PRKDC: variants seen among roughly 807,000 people sequenced by gnomAD.
PRKDC encodes the protein DNA-dependent protein kinase catalytic subunit.
In PRKDC, 82 loss-of-function variants were observed where a neutral mutation model predicts 486.9. The ratio of observed to expected loss-of-function variants is 0.17; its 90% CI spans 0.14 to 0.20. The LOEUF (loss-of-function observed/expected upper bound fraction) is 0.20, where lower values mean the gene tolerates loss of function less well. Ranked by LOEUF, PRKDC falls within the 10% of genes least tolerant of loss-of-function variation. PRKDC has a pLI of 1.00. For missense variants in PRKDC, 4,504 were observed against 5,038.2 expected (o/e 0.89, Z 3.21); for synonymous variants, 1,895 against 1,837.0 (o/e 1.03, Z -0.81).
chr8:47,820,629 C>G, intron 66 of PRKDC, 90 bp downstream of exon 66: 2 of 835,158 alleles, frequency 2.4e-6, no homozygotes, highest in Non-Finnish European at 3.2e-6. Context: ...TAAAAATATC[C>G]TAAAAATAGT....
intron 19 of PRKDC, among the ~76,000 whole-genome samples, chr8:47,928,859 T>G (rs935221949): frequency 6.6e-6 from 1 of 152,082 alleles, no homozygotes; most frequent in African/African-American, 2.4e-5. Context: ...GCCTGGCTAA[T>G]TTTTGTATTT....
Position 47,800,906 on chromosome 8 carries a change from T to C in PRKDC, c.10003A>G (p.Arg3335Gly). The C allele has an allele frequency of 6.2e-7, 1 of 1,613,958 alleles. No individual in the cohort carries two copies. Among genetic ancestry groups the C allele is most frequent in the Non-Finnish European group, 8.5e-7 (1 of 1,179,868 alleles). Reference sequence around the variant, plus strand: ...CTGCTGAGAGCATTCGCTATGATCCTGTAAGTTGTACCCAAGAGAATGTTC... The same window carrying C: ...CTGCTGAGAGCATTCGCTATGATCCCGTAAGTTGTACCCAAGAGAATGTTC... ...DQNILLGTTY[R>G]IIANALSSEP... is the part of the protein sequence containing the mutation. The change falls in exon 71 of 86, where the codon AGG becomes GGG. Residue 3335 changes from arginine (R) to glycine (G), a missense_variant. Physicochemically the swap from Arg to Gly is moderately radical, Grantham distance 125. Coordinates refer to ENST00000314191, the MANE Select transcript of PRKDC (RefSeq NM_006904.7).
At chr8:47,929,040 T>C (rs1237573537) in intron 19 of PRKDC, 52 bp downstream of exon 19, 3 of 1,269,100 alleles carry the variant, frequency 2.4e-6, no homozygotes, top group East Asian at 5.1e-5. Flanking sequence ...TCAATAGATA[T>C]TCATTTAAAA....
In PRKDC at chr8:47,854,084, C is replaced by T. The variant is rs781041217; in HGVS notation, c.6892G>A (p.Glu2298Lys). The change falls in exon 51 of 86, where the codon GAA becomes AAA. Residue 2298 changes from glutamate to lysine, a missense_variant and splice_region_variant. Glu to Lys is a moderately conservative substitution (Grantham distance 56, BLOSUM62 1). Transcript: ENST00000314191. ...AAAAATAATCAAGCAAACACGTACT[C>T]GCTACTCTGGATGCCACACTGTGGG... is the stretch of plus-strand genomic sequence containing the variant. ...YDPQCGIQSS[E>K]YFQALVNNMS... is the part of the protein sequence containing the mutation. 20 of 1,613,662 alleles carry T rather than the reference C, an allele frequency of 1.2e-5. No individual in the cohort carries two copies. Among genetic ancestry groups the T allele is most frequent in the Non-Finnish European group, 8.5e-6 (10 of 1,179,804 alleles).
intron 40 of PRKDC, among the ~76,000 whole-genome samples, chr8:47,873,003 G>A (rs973191693): frequency 2.0e-5 from 3 of 152,052 alleles, no homozygotes; most frequent in African/African-American, 4.8e-5. Context: ...ACCCTGATAG[G>A]CACATGGATC....
chr8:47,819,627 T>C (rs2087538214), intron 66 of PRKDC, 117 bp from the exon 67 acceptor site: 1 of 474,736 alleles, frequency 2.1e-6, no homozygotes, highest in Non-Finnish European at 3.6e-6. Flanking sequence ...AATTATTCTA[T>C]AAATATGCCT....
intron 55 of PRKDC, 66 bp downstream of exon 55, chr8:47,839,950 C>T: frequency 7.6e-7 from 1 of 1,315,684 alleles, no homozygotes; most frequent in Non-Finnish European, 1.0e-6. Flanking sequence ...GTACTCCAGC[C>T]TCGTCGACAG....
At chr8:47,925,282 G>A (rs141166243) in intron 21 of PRKDC, among the ~76,000 whole-genome samples, 1 of 152,342 alleles carries the variant, frequency 6.6e-6, no homozygotes, top group South Asian at 2.1e-4. Flanking sequence ...GGTTACAGTG[G>A]AAACAACCAG....
In PRKDC at chr8:47,796,510, G is replaced by C. The variant is rs371892174; in HGVS notation, c.10458+1727C>G. ...CATTTCCTCCCACCATTTTCTACTGGTCTATTGTGACCATTTATTTTGTAG... is the reference window on the plus strand; with the variant it reads ...CATTTCCTCCCACCATTTTCTACTGCTCTATTGTGACCATTTATTTTGTAG... On this transcript the variant is annotated intron_variant, in intron 73 of 85. Transcript: ENST00000314191. Among the ~76,000 whole-genome samples, 589 of 151,802 alleles carry C rather than the reference G, an allele frequency of 3.9e-3. 4 individuals are homozygous for C. Among genetic ancestry groups the C allele is most frequent in the South Asian group, 0.024 (116 of 4,802 alleles).
At chr8:47,953,475 C>T (rs373415344) in intron 7 of PRKDC, 145 bp downstream of exon 7, 20 of 761,130 alleles carry the variant, frequency 2.6e-5, no homozygotes, top group East Asian at 2.7e-5. Flanking sequence ...CAGGGGAACT[C>T]GGGAGGGCCC....
chr8:47,889,716 A>G (rs186079066), intron 32 of PRKDC, among the ~76,000 whole-genome samples: 1 of 152,374 alleles, frequency 6.6e-6, no homozygotes, highest in East Asian at 1.9e-4. Context: ...AGCATCCAAT[A>G]AAACAATTAG....
intron 7 of PRKDC, among the ~76,000 whole-genome samples, chr8:47,944,608 A>C (rs2154504199): frequency 6.6e-6 from 1 of 152,338 alleles, no homozygotes; most frequent in Non-Finnish European, 1.5e-5. Flanking sequence ...AAGATAAAAC[A>C]GGCACATAAC....
chr8:47,932,179 G>A (rs1589801475), intron 16 of PRKDC, among the ~76,000 whole-genome samples: 1 of 152,224 alleles, frequency 6.6e-6, no homozygotes, highest in East Asian at 1.9e-4. Context: ...CACCTCCCAG[G>A]TTCATGCCAT....
chr8:47,888,593 GC>G lies in PRKDC; in HGVS notation c.4337del (p.Ser1446ThrfsTer58), dbSNP rs2089387299. ...AGGCAGACACAACAGCAGCCAGCCT[GC>G]TCCTGTCCACTTGCGCGTCAGGGCC... ...LYGPDAQVDR[S>X]RLAAVVSACK... On this transcript the variant is annotated frameshift_variant, in exon 34 of 86. Transcript: ENST00000314191. LOFTEE classifies it high-confidence loss of function. 1 of 1,591,764 alleles carries G rather than the reference GC, an allele frequency of 6.3e-7. No individual in the cohort carries two copies. Among genetic ancestry groups the G allele is most frequent in the African/African-American group, 1.3e-5 (1 of 74,512 alleles).
At chr8:47,876,338 T>A (rs1023193288) in intron 40 of PRKDC, among the ~76,000 whole-genome samples, 1 of 151,860 alleles carries the variant, frequency 6.6e-6, no homozygotes, top group Non-Finnish European at 1.5e-5. Context: ...CTATGAGGAG[T>A]AGCCATGGCA....
At chr8:47,836,205 T>C in intron 58 of PRKDC, 133 bp downstream of exon 58, 1 of 923,088 alleles carries the variant, frequency 1.1e-6, no homozygotes, top group East Asian at 3.0e-5. Flanking sequence ...TTGAATGACA[T>C]CTTCCTTGGG....
At chr8:47,818,756 T>A (rs937427996) in intron 67 of PRKDC, among the ~76,000 whole-genome samples, 2 of 152,232 alleles carry the variant, frequency 1.3e-5, no homozygotes, top group Admixed American at 6.5e-5. Context: ...TATCAGTTTT[T>A]ATCAGTATTC....
rs769824325 is a variant in PRKDC, at chr8:47,807,172, T to G, written c.9712A>C (p.Met3238Leu). The G allele has an allele frequency of 2.5e-6, 4 of 1,613,986 alleles. No homozygotes were observed. The highest frequency in any genetic ancestry group is 2.2e-5 in the East Asian group (1 of 44,890). ...GCACTGTCTATCATCTTCATTTTCA[T>G]GGAAAACTTGCAACTCCTGATCAGG... ...SSLIRSCKFSMKMKMIDSARK... is the reference protein window; with the variant it reads ...SSLIRSCKFSLKMKMIDSARK... The change falls in exon 69 of 86, where the codon ATG (methionine) becomes CTG (leucine). Residue 3238 changes from methionine (M) to leucine (L), a missense_variant. Physicochemically the swap from Met to Leu is conservative, Grantham distance 15. Around this residue, in one of 6 missense-constraint regions of PRKDC, gnomAD observed 1,592 missense variants for 1,724.6 expected, o/e 0.92. Coordinates refer to ENST00000314191, the MANE Select transcript of PRKDC (RefSeq NM_006904.7).
In PRKDC at chr8:47,785,100, G is replaced by A. The variant is rs770715918; in HGVS notation, c.11107+13C>T. The A allele has an allele frequency of 6.2e-7, 1 of 1,613,140 alleles. No individual in the cohort carries two copies. The highest frequency in any genetic ancestry group is 8.5e-7 in the Non-Finnish European group (1 of 1,179,212). ...TGACAGTACAGTTTTGTCACCCCTG[G>A]AGGTTAACTCACCGGGAATCTCCAG... On this transcript the variant is annotated intron_variant, in intron 77 of 85. Transcript: ENST00000314191.
Sources: gnomAD v4.1 joint callset for allele counts (sites outside exome capture counted in the v4.1 genomes callset) on GRCh38, gnomAD v4.1.1 for gene constraint, gnomAD v4.1.1 regional missense constraint, MANE v1.5 for transcripts, NCBI Gene and HGNC (gene_info 2026-07-23, HGNC 2026-07-21) for gene names.